Variants in PTPRD observed in about 807,000 individuals in gnomAD.
The protein encoded by PTPRD is receptor-type tyrosine-protein phosphatase delta.
A neutral mutation model predicts 214.5 loss-of-function variants in PTPRD; 34 were observed. The observed-to-expected ratio is 0.16, with a 90% CI of 0.12 to 0.21. PTPRD has a LOEUF of 0.21. PTPRD is among the 10% of genes least tolerant of loss of function. The probability of loss-of-function intolerance (pLI) is 1.00; values close to 1 mark genes in which losing one functional copy is unlikely to be tolerated. For synonymous variants in PTPRD, 1,128 were observed against 845.7 expected (o/e 1.33, Z -5.79); for missense variants, 2,545 against 2,398.7 (o/e 1.06, Z -1.27).
intron 10 of PTPRD, among the ~76,000 whole-genome samples, chr9:9,149,217 C>T (rs900779047): frequency 6.6e-6 from 1 of 152,178 alleles, no homozygotes; most frequent in East Asian, 1.9e-4. Flanking sequence ...TTATCTACCT[C>T]GTAGCCTTAC....
chr9:9,234,757 A>C (rs2099965490), intron 9 of PTPRD, among the ~76,000 whole-genome samples: 1 of 152,048 alleles, frequency 6.6e-6, no homozygotes, highest in Non-Finnish European at 1.5e-5. Flanking sequence ...AAAGTTCCTC[A>C]TCTCCATCTG....
chr9:8,530,669 T>C (rs2075449514), intron 14 of PTPRD, among the ~76,000 whole-genome samples: 1 of 152,002 alleles, frequency 6.6e-6, no homozygotes, highest in South Asian at 2.1e-4. Context: ...TATATATCAG[T>C]GACTGTTTAA....
chr9:9,336,273 A>G (rs2044441247), intron 9 of PTPRD, among the ~76,000 whole-genome samples: 1 of 152,120 alleles, frequency 6.6e-6, no homozygotes, highest in Non-Finnish European at 1.5e-5. Context: ...GAATGTAGAG[A>G]TGTTGGTCAT....
intron 4 of PTPRD, among the ~76,000 whole-genome samples, chr9:9,978,704 A>C (rs1000475603): frequency 6.6e-6 from 1 of 151,664 alleles, no homozygotes; most frequent in Non-Finnish European, 1.5e-5. Context: ...GAATTTTAGA[A>C]AATTAAGGAA....
Position 9,891,534 on chromosome 9 carries a change from C to T in PTPRD, c.-368+46973G>A, listed in dbSNP as rs10978062. Among the ~76,000 whole-genome samples the T allele has an allele frequency of 5.6e-3, 849 of 152,158 alleles. 1 individual carries two copies. Among genetic ancestry groups the T allele is most frequent in the Non-Finnish European group, 9.5e-3 (645 of 67,974 alleles). On this transcript the variant is annotated intron_variant, in intron 5 of 45. Transcript: ENST00000381196. Reference sequence around the variant, plus strand: ...CTGCATATTTACACTCTTAACAACACATATGAGCTTATTTTTTTGACAGTA... The same window carrying T: ...CTGCATATTTACACTCTTAACAACATATATGAGCTTATTTTTTTGACAGTA...
chr9:10,481,092 G>T (rs1209880344), intron 2 of PTPRD, among the ~76,000 whole-genome samples: 2 of 150,384 alleles, frequency 1.3e-5, no homozygotes, highest in Non-Finnish European at 3.0e-5. Context: ...AATCTATCCT[G>T]CTCAAGAAAA....
intron 7 of PTPRD, among the ~76,000 whole-genome samples, chr9:9,670,698 C>A (rs2096813255): frequency 6.6e-6 from 1 of 152,202 alleles, no homozygotes; most frequent in South Asian, 2.1e-4. Context: ...CAACATAGAG[C>A]TCAGGCTGTG....
chr9:9,236,175 T>A (rs1594232549), intron 9 of PTPRD, among the ~76,000 whole-genome samples: 2 of 151,900 alleles, frequency 1.3e-5, no homozygotes, highest in Admixed American at 1.3e-4. Context: ...ATTGCTTGAA[T>A]CCAGGAGGTG....
chr9:9,241,935 A>G (rs2099970559), intron 9 of PTPRD, among the ~76,000 whole-genome samples: 2 of 152,050 alleles, frequency 1.3e-5, no homozygotes, highest in Admixed American at 1.3e-4. Flanking sequence ...ACTTCTTCCC[A>G]GCATCGATGG....
intron 28 of PTPRD, 50 bp from the exon 29 acceptor site, chr9:8,485,374 A>G: frequency 2.3e-6 from 3 of 1,333,088 alleles, no homozygotes; most frequent in Non-Finnish European, 3.2e-6. Context: ...AAAACAGATG[A>G]CCTGTCCTTT....
At chr9:8,635,661 C>T (rs763319205) in intron 13 of PTPRD, among the ~76,000 whole-genome samples, 2 of 152,044 alleles carry the variant, frequency 1.3e-5, no homozygotes, top group African/African-American at 2.4e-5. Context: ...TTTCTTTTAA[C>T]TAGAAATTGC....
chr9:10,591,956 T>A (rs1380690805), intron 2 of PTPRD, among the ~76,000 whole-genome samples: 1 of 152,140 alleles, frequency 6.6e-6, no homozygotes, highest in Admixed American at 6.5e-5. Context: ...GATTGCAGCC[T>A]TGTAAGAGAT....
At chr9:8,834,331 A>G (rs1259813465) in intron 11 of PTPRD, among the ~76,000 whole-genome samples, 3 of 152,180 alleles carry the variant, frequency 2.0e-5, no homozygotes, top group Non-Finnish European at 2.9e-5. Context: ...TATCATATGA[A>G]GTGTAAAAAT....
At chr9:9,822,783 G>A (rs976740267) in intron 5 of PTPRD, among the ~76,000 whole-genome samples, 2 of 152,002 alleles carry the variant, frequency 1.3e-5, no homozygotes, top group East Asian at 3.9e-4. Context: ...GTGCTGACAT[G>A]ACCTCATGTG....
intron 11 of PTPRD, among the ~76,000 whole-genome samples, chr9:8,931,525 G>A (rs1337619730): frequency 6.6e-6 from 1 of 152,096 alleles, no homozygotes; most frequent in African/African-American, 2.4e-5. Context: ...TGATGGGGAT[G>A]GCATTGAATC....
Position 8,484,101 on chromosome 9 carries a change from A to G in PTPRD, c.3413+18T>C. 6.2e-7 allele frequency: 1 copy of G among 1,609,046 alleles called. No homozygotes were observed. The highest frequency in any genetic ancestry group is 1.3e-5 in the African/African-American group (1 of 74,970). On this transcript the variant is annotated intron_variant, in intron 30 of 45. Transcript: ENST00000381196. ...CCTATAATTCTTTCCTTCAGCCCTA[A>G]GCCTTCAATCAACTTACTTTATATT... is the stretch of plus-strand genomic sequence containing the variant.
chr9:8,941,345 G>A (rs1040707074), intron 11 of PTPRD, among the ~76,000 whole-genome samples: 2 of 151,994 alleles, frequency 1.3e-5, no homozygotes, highest in African/African-American at 4.8e-5. Context: ...AATTACACAC[G>A]TATGTGAAAT....
At chr9:8,333,142 G>A (rs1281653782) in intron 43 of PTPRD, among the ~76,000 whole-genome samples, 6 of 152,186 alleles carry the variant, frequency 3.9e-5, no homozygotes, top group Non-Finnish European at 5.9e-5. Context: ...GGAATACTGA[G>A]AAATAGAGAA....
At chr9:8,338,323 C>G (rs1304794667) in intron 43 of PTPRD, among the ~76,000 whole-genome samples, 1 of 151,972 alleles carries the variant, frequency 6.6e-6, no homozygotes, top group East Asian at 1.9e-4. Flanking sequence ...ACTCAACAAT[C>G]CAGATAAGAA....
Sources: allele counts gnomAD v4.1 joint callset (sites outside exome capture counted in the v4.1 genomes callset), GRCh38; gene constraint gnomAD v4.1.1; transcripts MANE v1.5; gene names NCBI Gene and HGNC (gene_info 2026-07-23, HGNC 2026-07-21).